The following BABAM2 variants were observed in gnomAD, a reference collection of about 807,000 sequenced individuals.
BABAM2 encodes the protein BRISC and BRCA1 A complex member 2.
A neutral mutation model predicts 54.7 loss-of-function variants in BABAM2; 31 were observed. That is an observed-to-expected ratio of 0.57 (90% confidence interval 0.43 to 0.77). The LOEUF is 0.77. Among genes scored for constraint, BABAM2 ranks in the 30% least tolerant of loss-of-function variants. The pLI is 0.00. For synonymous variants in BABAM2, 167 were observed against 162.9 expected, an observed-to-expected ratio of 1.03 and a Z score of -0.19; for missense variants, 364 against 455.8, an observed-to-expected ratio of 0.80 and a Z score of 1.83.
chr2:28,050,904 G>A (rs946511259), intron 6 of BABAM2, among the ~76,000 whole-genome samples: 2 of 152,146 alleles, frequency 1.3e-5, no homozygotes, highest in Non-Finnish European at 2.9e-5. Flanking sequence ...TGGGAAGTAG[G>A]TAGTAATCTA....
chr2:28,202,883 C>T (rs997052462), intron 7 of BABAM2, among the ~76,000 whole-genome samples: 1 of 152,106 alleles, frequency 6.6e-6, no homozygotes, highest in Admixed American at 6.6e-5. Context: ...GGGGAATATT[C>T]CTCCCATGTT....
Position 28,046,176 on chromosome 2 carries a change from C to T in BABAM2, c.570+377C>T, listed in dbSNP as rs542144996. Among the ~76,000 whole-genome samples, 3 of 152,204 alleles carry T rather than the reference C, an allele frequency of 2.0e-5. No homozygotes were observed. The East Asian group carries it at 5.8e-4, about 29-fold the overall frequency. Reference sequence around the variant, plus strand: ...TGCCTTCGAGGTTCTGGCCCTTGGCCGGGCGCGGTGGCTCATGCCTGTAAT... The same window carrying T: ...TGCCTTCGAGGTTCTGGCCCTTGGCTGGGCGCGGTGGCTCATGCCTGTAAT... On this transcript the variant is annotated intron_variant, in intron 6 of 11. Coordinates refer to ENST00000379624, the MANE Select transcript of BABAM2 (RefSeq NM_199191.3).
intron 4 of BABAM2, among the ~76,000 whole-genome samples, chr2:28,011,040 A>C (rs1674352445): frequency 6.6e-6 from 1 of 152,194 alleles, no homozygotes; most frequent in Admixed American, 6.5e-5. Flanking sequence ...TGATGGGGTT[A>C]GATAGTGAGG....
Position 28,338,711 on chromosome 2 carries a change from T to C in BABAM2, c.*198T>C, listed in dbSNP as rs1558543057. ...TGGTGGTCCCTGGATCCTAGAGCCC[T>C]TCACTTCGGGTTACTCCCTCTTTCT... is the stretch of plus-strand genomic sequence containing the variant. On this transcript the variant is annotated 3_prime_UTR_variant, in exon 12 of 12. Transcript: ENST00000379624. 8.8e-6 allele frequency: 5 copies of C among 568,868 alleles called. No homozygotes were observed. Among genetic ancestry groups the C allele is most frequent in the Non-Finnish European group, 1.6e-5 (5 of 321,212 alleles). The allele number at this position is 568,868 out of a possible 1,614,324, so 35.2% of individuals were successfully genotyped here. A position where few individuals can be genotyped will look rare whatever the true frequency, so the allele number is the denominator to read the frequency against.
intron 4 of BABAM2, among the ~76,000 whole-genome samples, chr2:28,002,939 C>T (rs529288730): frequency 2.0e-5 from 3 of 152,044 alleles, no homozygotes; most frequent in Non-Finnish European, 2.9e-5. Flanking sequence ...GATAGAGATG[C>T]GGAAAGGAGT....
At chr2:28,143,047 G>A (rs17006576) in intron 7 of BABAM2, among the ~76,000 whole-genome samples, 35,807 of 151,658 alleles carry the variant, frequency 0.24, 4,515 homozygotes, top group South Asian at 0.46. Flanking sequence ...ACTTGGCCCT[G>A]TAATTTAATG....
intron 4 of BABAM2, among the ~76,000 whole-genome samples, chr2:27,988,545 ATTG>A (rs1672562984): frequency 6.6e-6 from 1 of 152,156 alleles, no homozygotes; most frequent in African/African-American, 2.4e-5. Context: ...GTATCTCAGT[ATTG>A]TTATCAGAAG....
intron 7 of BABAM2, among the ~76,000 whole-genome samples, chr2:28,228,467 A>G (rs918058605): frequency 6.6e-6 from 1 of 152,148 alleles, no homozygotes; most frequent in East Asian, 1.9e-4. Context: ...AAAATATTTT[A>G]AAGGTAATTC....
At chr2:27,893,256 C>T (rs1665010224) in intron 1 of BABAM2, among the ~76,000 whole-genome samples, 1 of 152,106 alleles carries the variant, frequency 6.6e-6, no homozygotes. Context: ...TCGTGTACTC[C>T]CTCCCCCAGC....
chr2:28,216,371 T>C (rs1679916180), intron 7 of BABAM2, among the ~76,000 whole-genome samples: 1 of 152,214 alleles, frequency 6.6e-6, no homozygotes, highest in East Asian at 1.9e-4. Context: ...CTTTTGTTGG[T>C]AAATTGGGTA....
At position 28,325,706 on chromosome 2, in the gene BABAM2, C is replaced by T. The variant is rs1418033169; in HGVS notation, c.1089-12744C>T. 3.3e-5 allele frequency among the ~76,000 whole-genome samples: 5 copies of T among 152,172 alleles called. No homozygotes were observed. The highest frequency in any genetic ancestry group is 7.3e-5 in the Non-Finnish European group (5 of 68,034). On this transcript the variant is annotated intron_variant, in intron 11 of 11. Coordinates refer to ENST00000379624, the MANE Select transcript of BABAM2 (RefSeq NM_199191.3). This position sits in a 1 kb window ranked among gnomAD's most constrained non-coding sequence, Gnocchi z 4.3. Reference sequence around the variant, plus strand: ...AGGAGGGACCATGGCCATCTTGCTGCCCCTCCCCCACATCCTCAAACACCC... The same window carrying T: ...AGGAGGGACCATGGCCATCTTGCTGTCCCTCCCCCACATCCTCAAACACCC...
intron 7 of BABAM2, among the ~76,000 whole-genome samples, chr2:28,213,336 T>C (rs1679642040): frequency 6.6e-6 from 1 of 152,142 alleles, no homozygotes. Flanking sequence ...GTGGATACTA[T>C]ATAGGAGCTT....
chr2:28,324,688 G>A (rs767786613), intron 11 of BABAM2, among the ~76,000 whole-genome samples: 1 of 151,962 alleles, frequency 6.6e-6, no homozygotes, highest in Non-Finnish European at 1.5e-5. Flanking sequence ...CTAGCTACTC[G>A]GGAGGCTGAG....
At chr2:28,273,200 C>T (rs562736402) in intron 10 of BABAM2, among the ~76,000 whole-genome samples, 3 of 152,352 alleles carry the variant, frequency 2.0e-5, no homozygotes, top group South Asian at 4.1e-4. Flanking sequence ...AATGATGTCT[C>T]ATTTGCCCGT....
At chr2:28,303,139 G>T (rs147608275) in intron 11 of BABAM2, among the ~76,000 whole-genome samples, 77 of 152,116 alleles carry the variant, frequency 5.1e-4, no homozygotes, top group Middle Eastern at 6.8e-3. Flanking sequence ...TGGGATTACA[G>T]GTGTGAGCCA....
At chr2:28,157,366 G>T (rs942983235) in intron 7 of BABAM2, among the ~76,000 whole-genome samples, 1 of 152,130 alleles carries the variant, frequency 6.6e-6, no homozygotes, top group South Asian at 2.1e-4. Flanking sequence ...TTTTTAAAAT[G>T]CAGTCAGCCA....
At chr2:27,937,006 A>G (rs1668535755) in intron 3 of BABAM2, among the ~76,000 whole-genome samples, 1 of 152,192 alleles carries the variant, frequency 6.6e-6, no homozygotes, top group Non-Finnish European at 1.5e-5. Flanking sequence ...TATTTTAGAC[A>G]TAATGCTATT....
At chr2:27,917,138 C>T (rs1323025214) in intron 2 of BABAM2, among the ~76,000 whole-genome samples, 2 of 151,606 alleles carry the variant, frequency 1.3e-5, no homozygotes, top group Non-Finnish European at 2.9e-5. Context: ...CTGCCTCAGC[C>T]TCCCAAGTGG....
intron 7 of BABAM2, among the ~76,000 whole-genome samples, chr2:28,224,622 C>T (rs1462902050): frequency 6.6e-6 from 1 of 152,114 alleles, no homozygotes; most frequent in African/African-American, 2.4e-5. Flanking sequence ...CAAGCTCTCA[C>T]AAAACTGAAC....
Sources: gnomAD v4.1 joint callset for allele counts (sites outside exome capture counted in the v4.1 genomes callset) on GRCh38, gnomAD v4.1.1 for gene constraint, Gnocchi (gnomAD v3.1) non-coding constraint, MANE v1.5 for transcripts, NCBI Gene and HGNC (gene_info 2026-07-23, HGNC 2026-07-21) for gene names.